DACT2: variants seen among roughly 807,000 people sequenced by gnomAD.
DACT2 encodes dapper homolog 2.
Under a neutral mutation model 22.2 loss-of-function variants are expected in DACT2, and 20 were observed. That is an observed-to-expected ratio of 0.90 (90% CI 0.63 to 1.31). The LOEUF (loss-of-function observed/expected upper bound fraction) is 1.31. Among genes scored for constraint, DACT2 ranks in the 50% most tolerant of loss-of-function variants. The pLI, the probability that DACT2 is intolerant of heterozygous loss-of-function variation, is 0.00. For synonymous variants in DACT2, 463 were observed against 479.8 expected (o/e 0.96, Z 0.46); for missense variants, 1,048 against 1,061.4 (o/e 0.99, Z 0.18).
chr6:168,299,046 CAG>C (rs1320439528), intron 3 of DACT2: 1 of 152,178 alleles, frequency 6.6e-6, no homozygotes, highest in Admixed American at 6.5e-5. Context: ...CTATAAATCT[CAG>C]AGTTAGTGAA....
At chr6:168,312,259 G>A (rs566373298) in intron 1 of DACT2, among the ~76,000 whole-genome samples, 18 of 152,264 alleles carry the variant, frequency 1.2e-4, no homozygotes, top group Admixed American at 5.9e-4. Flanking sequence ...GCAGTGGTGC[G>A]ATCACGGCTC....
rs1426954418 is a variant in DACT2 at position 168,294,506 on chromosome 6, T to G, written c.730+127A>C. On this transcript the variant is annotated intron_variant, in intron 4 of 5. Transcript: ENST00000366796. ...CACAACAGGCCCCGGTGTGTGATGT[T>G]CCCCTTTCTGTGTACCCTAGAACTT... 10 of 658,994 alleles carry G rather than the reference T, an allele frequency of 1.5e-5. 1 individual carries two copies. The East Asian group carries it at 2.9e-4, about 19-fold the overall frequency. 40.8% of individuals were successfully genotyped at this position (658,994 alleles called of 1,614,324 possible).
At position 168,294,353 on chromosome 6, in the gene DACT2, C is replaced by T. The variant is rs933020868; in HGVS notation, c.731-156G>A. 3.3e-5 allele frequency among the ~76,000 whole-genome samples: 5 copies of T among 152,164 alleles called. No individual in the cohort carries two copies. The South Asian group carries it at 1.0e-3, about 32-fold the overall frequency. ...CACGCTTCTCCCCTCCTAGTCCTTC[C>T]CTACCTGTCAGCGAGCTGGAGGTGC... On this transcript the variant is annotated intron_variant, in intron 4 of 5. Coordinates refer to the DACT2 transcript ENST00000366796.
Position 168,319,462 on chromosome 6 carries a change from G to A in DACT2, c.172C>T (p.Pro58Ser). Residue 58 changes from proline to serine, a missense_variant, in exon 1 of 4, where the codon CCC (proline) becomes TCC (serine). Transcript: ENST00000366795. Reference protein sequence around the residue: ...ALQPPPAPAAPCGPHGLHGPE... With the variant: ...ALQPPPAPAASCGPHGLHGPE... ...CCGTGGAGGCCGTGGGGGCCGCAGG[G>A]CGCGGCGGGCGCGGGCGGGGGCTGC... is the stretch of plus-strand genomic sequence containing the variant. The A allele has an allele frequency of 1.7e-6, 2 of 1,204,202 alleles. No homozygotes were observed. Among genetic ancestry groups the A allele is most frequent in the Non-Finnish European group, 2.1e-6 (2 of 971,336 alleles). 74.6% of individuals were successfully genotyped at this position (1,204,202 alleles called of 1,614,324 possible). A position where few individuals can be genotyped will look rare whatever the true frequency, so the allele number is the denominator to read the frequency against.
At chr6:168,298,083 A>T (rs1045452426) in intron 3 of DACT2, 2 of 152,234 alleles carry the variant, frequency 1.3e-5, no homozygotes, top group African/African-American at 2.4e-5. Flanking sequence ...AAAAATGATG[A>T]CATTTATTCA....
Position 168,294,575 on chromosome 6 carries a change from G to GTATATATATA in DACT2, c.730+57_730+58insTATATATATA, listed in dbSNP as rs778559132. Reference sequence around the variant, plus strand: ...TGTGTGTGTGTATGTGTGTGTGTGTGTGTATATATATATATATATATATAT... The same window carrying GTATATATATA: ...TGTGTGTGTGTATGTGTGTGTGTGTGTATATATATATGTATATATATATATATATATATAT... On this transcript the variant is annotated intron_variant, in intron 4 of 5. Coordinates refer to the DACT2 transcript ENST00000366796. 1.2e-5 allele frequency: 4 copies of GTATATATATA among 342,488 alleles called. No homozygotes were observed. In the African/African-American group the frequency reaches 1.4e-4, roughly 12 times the overall value. The allele number at this position is 342,488 out of a possible 1,614,324, so 21.2% of individuals were successfully genotyped here. A position where few individuals can be genotyped will look rare whatever the true frequency, so the allele number is the denominator to read the frequency against.
At chr6:168,312,657 GAAC>G (rs1464114442) in intron 1 of DACT2, among the ~76,000 whole-genome samples, 13 of 152,206 alleles carry the variant, frequency 8.5e-5, no homozygotes, top group Non-Finnish European at 1.8e-4. Flanking sequence ...TTGTTTTGAT[GAAC>G]AACTACGATT....
At position 168,308,248 on chromosome 6, in the gene DACT2, G is replaced by T. The variant is rs947120913; in HGVS notation, c.1509C>A (p.Pro503=). The change falls in exon 4 of 4, where the codon CCC becomes CCA. Residue 503 remains proline, a synonymous_variant. Coordinates refer to ENST00000366795, the MANE Select transcript of DACT2 (RefSeq NM_214462.5). ...TTGCAAACCTCAGCACCTTGTCCAT[G>T]GGACTTCTCTTGATTTTTTCAGCCT... The part of the protein sequence containing the change: ...KSKAEKIKRS[P]MDKVLRFARQ... The T allele has an allele frequency of 5.2e-6, 8 of 1,552,082 alleles. No homozygotes were observed. Among genetic ancestry groups the T allele is most frequent in the Non-Finnish European group, 7.0e-6 (8 of 1,147,110 alleles).
downstream of DACT2, among the ~76,000 whole-genome samples, chr6:168,305,330 G>A (rs1472516220): frequency 6.6e-6 from 1 of 151,802 alleles, no homozygotes; most frequent in Non-Finnish European, 1.5e-5. Context: ...TGAATGTCTA[G>A]GAAACCACGC....
At chr6:168,298,854 T>C (rs1179401422) in intron 3 of DACT2, 1 of 152,210 alleles carries the variant, frequency 6.6e-6, no homozygotes, top group Non-Finnish European at 1.5e-5. Flanking sequence ...CATTTCGGCT[T>C]TGGTTCTTTT....
At position 168,308,079 on chromosome 6, in the gene DACT2, A is replaced by G. The variant is rs1173171086; in HGVS notation, c.1678T>C (p.Ser560Pro). ...PALAWEAPGR[S>P]CSESTLYPMP... ...GGGTAGAGGGTGGACTCAGAACAGG[A>G]GCGCCCGGGTGCCTCCCAGGCCAGG... Residue 560 changes from serine to proline, a missense_variant, in exon 4 of 4, where the codon TCC (serine) becomes CCC (proline). By Grantham distance (74) the Ser-to-Pro change is moderately conservative (BLOSUM62 -1). Coordinates refer to ENST00000366795, the MANE Select transcript of DACT2 (RefSeq NM_214462.5). The G allele has an allele frequency of 1.3e-6, 2 of 1,544,924 alleles. No individual in the cohort carries two copies. The highest frequency in any genetic ancestry group is 1.4e-5 in the African/African-American group (1 of 72,938).
At position 168,307,775 on chromosome 6, in the gene DACT2, G is replaced by C; in HGVS notation, c.1982C>G (p.Ser661Ter). The C allele has an allele frequency of 6.5e-7, 1 of 1,545,904 alleles. No individual in the cohort carries two copies. Among genetic ancestry groups the C allele is most frequent in the Non-Finnish European group, 8.7e-7 (1 of 1,146,740 alleles). ...CTCGGCCGAGTGCTTGGAGGGCTCT[G>C]AGTCGCTCCTGGTGTAGGCGTCCTG... is the stretch of plus-strand genomic sequence containing the variant. ...VRQDAYTRSDSEPSKHSAECD... is the reference protein window; with the variant it reads ...VRQDAYTRSD The change falls in exon 4 of 4, where the codon TCA (serine) becomes TGA (stop). Residue 661 changes from serine (S) to a stop codon, truncating the protein, a stop_gained. Transcript: ENST00000366795. LOFTEE classifies it low-confidence loss of function (END_TRUNC). The surrounding 1 kb of genome is among the most constrained non-coding windows in gnomAD (Gnocchi z 5.3).
rs748972206 is a variant in DACT2 at position 168,307,865 on chromosome 6, G to A, written c.1892C>T (p.Pro631Leu). The change falls in exon 4 of 4, where the codon CCC becomes CTC. Residue 631 changes from proline to leucine, a missense_variant. Pro to Leu is a moderately conservative substitution (Grantham distance 98, BLOSUM62 -3). Coordinates refer to ENST00000366795, the MANE Select transcript of DACT2 (RefSeq NM_214462.5). The surrounding 1 kb of genome is among the most constrained non-coding windows in gnomAD (Gnocchi z 5.3). The part of the protein sequence containing the change: ...LASCPESNLG[P>L]PRPVARRAGG... The stretch of plus-strand genomic sequence containing the variant: ...TGCTCTCCTGGCCACGGGCCTGGGG[G>A]GCCCCAGGTTAGACTCAGGACAGCT... 10 of 1,539,140 alleles carry A rather than the reference G, an allele frequency of 6.5e-6. No homozygotes were observed. Among genetic ancestry groups the A allele is most frequent in the East Asian group, 2.5e-5 (1 of 40,806 alleles).
At chr6:168,306,608 AT>A (rs61347395), downstream of DACT2, among the ~76,000 whole-genome samples, 36,338 of 142,094 alleles carry the variant, frequency 0.26, 4,389 homozygotes, top group South Asian at 0.35. Flanking sequence ...AAACCCAGCT[AT>A]TTTTTTTTTT....
downstream of DACT2, among the ~76,000 whole-genome samples, chr6:168,303,165 G>A (rs187377665): frequency 9.9e-4 from 150 of 152,106 alleles, 1 homozygote; most frequent in Admixed American, 1.9e-3. Context: ...TTCCAGATGC[G>A]CTCCCGTTTT....
chr6:168,311,584 CCA>C lies in DACT2; in HGVS notation c.247-302_247-301del, dbSNP rs1206506328. 7.5e-3 allele frequency among the ~76,000 whole-genome samples: 648 copies of C among 86,184 alleles called. 12 individuals carry two copies. The highest frequency in any genetic ancestry group is 0.03 in the African/African-American group (597 of 19,950). 56.5% of individuals were successfully genotyped at this position (86,184 alleles called of 152,430 possible). A position where few individuals can be genotyped will look rare whatever the true frequency, so the allele number is the denominator to read the frequency against. The stretch of plus-strand genomic sequence containing the variant: ...CTCACACACAAACACACACACCCAT[CCA>C]CACACACACATACACACACACTCAC... On this transcript the variant is annotated intron_variant, in intron 1 of 3. Transcript: ENST00000366795.
At chr6:168,314,046 GGTTT>G (rs1381791069) in intron 1 of DACT2, among the ~76,000 whole-genome samples, 1 of 152,040 alleles carries the variant, frequency 6.6e-6, no homozygotes, top group African/African-American at 2.4e-5. Flanking sequence ...CCGAACTTGG[GGTTT>G]GTTTGACTGT....
intron 2 of DACT2, among the ~76,000 whole-genome samples, chr6:168,310,674 C>T (rs952429086): frequency 6.6e-6 from 1 of 152,186 alleles, no homozygotes; most frequent in African/African-American, 2.4e-5. Context: ...GAGCCCACTC[C>T]ACCTGCACTC....
chr6:168,307,487 T>C lies in DACT2; in HGVS notation c.2270A>G (p.Lys757Arg), dbSNP rs1733265800. The C allele has an allele frequency of 2.6e-6, 4 of 1,551,532 alleles. No homozygotes were observed. Among genetic ancestry groups the C allele is most frequent in the Non-Finnish European group, 3.5e-6 (4 of 1,146,992 alleles). ...CGGCTGGAACCTGCGGATCTTCTTC[T>C]TCAGGGCCTTGGAGGCCTTAATACG... Reference protein sequence around the residue: ...LCRIKASKALKKKIRRFQPTA... With the variant: ...LCRIKASKALRKKIRRFQPTA... Residue 757 changes from lysine (K) to arginine (R), a missense_variant, in exon 4 of 4, where the codon AAG (lysine) becomes AGG (arginine). By Grantham distance (26) the Lys-to-Arg change is conservative. Coordinates refer to ENST00000366795, the MANE Select transcript of DACT2 (RefSeq NM_214462.5). The surrounding 1 kb of genome is among the most constrained non-coding windows in gnomAD (Gnocchi z 5.3).
Sources: allele counts gnomAD v4.1 joint callset (sites outside exome capture counted in the v4.1 genomes callset), GRCh38; gene constraint gnomAD v4.1.1; non-coding constraint Gnocchi (gnomAD v3.1); transcripts MANE v1.5; gene names NCBI Gene and HGNC (gene_info 2026-07-23, HGNC 2026-07-21).